ACYP2: variants seen among roughly 807,000 people sequenced by gnomAD.
ACYP2 encodes the protein acylphosphatase-2.
ACYP2 carries 12 observed loss-of-function variants against 11.2 expected under a neutral mutation model. That is an observed-to-expected ratio of 1.08 (90% CI 0.69 to 1.74). The LOEUF (loss-of-function observed/expected upper bound fraction) is 1.74, where lower values mean the gene tolerates loss of function less well. Ranked by LOEUF, ACYP2 falls within the 40% of genes most tolerant of loss-of-function variation. The pLI, the probability that ACYP2 is intolerant of heterozygous loss-of-function variation, is 0.00. For synonymous variants in ACYP2, 43 were observed against 32.2 expected (o/e 1.33, Z -1.13); for missense variants, 134 against 101.9 (o/e 1.31, Z -1.35).
chr2:54,110,038 T>C lies in ACYP2; in HGVS notation c.278-25415T>C, dbSNP rs545913664. 8.5e-5 allele frequency among the ~76,000 whole-genome samples: 13 copies of C among 152,320 alleles called. No homozygotes were observed. The South Asian group carries it at 2.5e-3, about 29-fold the overall frequency. On this transcript the variant is annotated intron_variant, in intron 4 of 6. Transcript: ENST00000607452. ...AGATGCTTCTCAGGCTTTCTCTGTT[T>C]CTGATGACCTTGACAGTTTTGAGGA...
chr2:54,095,489 ACGGGGCGGCTGGCTGGGCGGGGGG>A lies in ACYP2; in HGVS notation c.277+38131_277+38154del, dbSNP rs1170126117. 4.6e-4 allele frequency among the ~76,000 whole-genome samples: 69 copies of A among 149,638 alleles called. No individual in the cohort carries two copies. In the Middle Eastern group the frequency reaches 0.024, roughly 53 times the overall value. On this transcript the variant is annotated intron_variant, in intron 4 of 6. Transcript: ENST00000607452. ...GGCAGAGGCGCCCCTCACCTCCCGG[ACGGGGCGGCTGGCTGGGCGGGGGG>A]CTGACCCCCCCACCTCCCTCCCGGA...
At chr2:54,006,478 T>A (rs1433822452) in intron 2 of ACYP2, among the ~76,000 whole-genome samples, 1 of 152,032 alleles carries the variant, frequency 6.6e-6, no homozygotes, top group Non-Finnish European at 1.5e-5. Context: ...AGAGATGGTG[T>A]CTTGCTGTGC....
chr2:54,171,774 G>A (rs537304038), intron 6 of ACYP2, among the ~76,000 whole-genome samples: 17 of 151,708 alleles, frequency 1.1e-4, no homozygotes, highest in South Asian at 8.3e-4. Flanking sequence ...TCTATTTTTC[G>A]GTGTCTTAGG....
At chr2:54,046,234 G>T (rs190176567) in intron 2 of ACYP2, among the ~76,000 whole-genome samples, 10 of 151,288 alleles carry the variant, frequency 6.6e-5, no homozygotes, top group Admixed American at 2.0e-4. Flanking sequence ...CCAGCAATTT[G>T]GGGGGAGGCT....
chr2:54,174,896 A>G (rs146809150), intron 6 of ACYP2, among the ~76,000 whole-genome samples: 51 of 152,264 alleles, frequency 3.3e-4, no homozygotes, highest in African/African-American at 1.2e-3. Flanking sequence ...ATCGTGGTGG[A>G]TAAGATTTTT....
intron 4 of ACYP2, among the ~76,000 whole-genome samples, chr2:54,096,668 C>CA (rs1678603508): frequency 6.6e-6 from 1 of 152,070 alleles, no homozygotes; most frequent in Non-Finnish European, 1.5e-5. Flanking sequence ...CCGTCTCCAC[C>CA]AAAAAAATAC....
At chr2:54,227,313 T>G (rs1686050306) in intron 6 of ACYP2, among the ~76,000 whole-genome samples, 1 of 152,206 alleles carries the variant, frequency 6.6e-6, no homozygotes, top group African/African-American at 2.4e-5. Context: ...TAACTTATTT[T>G]CTTTGTCCCT....
At chr2:54,302,500 TAC>T (rs1263340012) in intron 6 of ACYP2, among the ~76,000 whole-genome samples, 2 of 152,160 alleles carry the variant, frequency 1.3e-5, no homozygotes, top group Admixed American at 6.5e-5. Context: ...ACCCCCAAAG[TAC>T]AGTCATTGGA....
At chr2:54,047,450 A>G (rs985719137) in intron 2 of ACYP2, among the ~76,000 whole-genome samples, 3 of 152,238 alleles carry the variant, frequency 2.0e-5, no homozygotes, top group Admixed American at 2.0e-4. Context: ...GAGTCATTTT[A>G]TTTGCCATAC....
At chr2:54,304,653 A>G (rs1320201945) in intron 6 of ACYP2, 35 bp from the exon 4 acceptor site, 13 of 1,482,908 alleles carry the variant, frequency 8.8e-6, no homozygotes, top group African/African-American at 1.4e-5. Context: ...TATACTTTGT[A>G]TGCTAATTTT....
intron 4 of ACYP2, among the ~76,000 whole-genome samples, chr2:54,123,664 C>T (rs1383636078): frequency 6.6e-6 from 1 of 152,072 alleles, no homozygotes; most frequent in Non-Finnish European, 1.5e-5. Context: ...GTTAAAGTGC[C>T]TCAGGGAAGT....
intron 3 of ACYP2, chr2:54,051,660 A>G: frequency 1.4e-6 from 1 of 720,310 alleles, no homozygotes; most frequent in Non-Finnish European, 2.6e-6. Flanking sequence ...AAGTTGAAGG[A>G]AAAATATGAA....
intron 2 of ACYP2, among the ~76,000 whole-genome samples, chr2:54,033,241 A>G (rs897025603): frequency 2.7e-5 from 4 of 149,014 alleles, no homozygotes; most frequent in African/African-American, 9.9e-5. Flanking sequence ...GTTGTTGTCC[A>G]GGCTGGAGCA....
At chr2:54,095,300 G>C (rs1229575099) in intron 4 of ACYP2, among the ~76,000 whole-genome samples, 2 of 152,158 alleles carry the variant, frequency 1.3e-5, no homozygotes, top group South Asian at 2.1e-4. Context: ...ACACAGACAC[G>C]GCAACCATCC....
chr2:54,123,321 G>C, intron 4 of ACYP2: 1 of 398,596 alleles, frequency 2.5e-6, no homozygotes, highest in Admixed American at 4.4e-5. Flanking sequence ...CTTCACTGCA[G>C]TTGTTTTGGT....
chr2:54,039,193 C>A (rs1326951470), intron 2 of ACYP2, among the ~76,000 whole-genome samples: 1 of 146,748 alleles, frequency 6.8e-6, no homozygotes, highest in Non-Finnish European at 1.5e-5. Context: ...TCAAGTTGAA[C>A]TTTTACTAAA....
At chr2:54,132,078 G>A (rs763897363) in intron 4 of ACYP2, among the ~76,000 whole-genome samples, 1 of 152,160 alleles carries the variant, frequency 6.6e-6, no homozygotes, top group Non-Finnish European at 1.5e-5. Context: ...AACTCAGAGG[G>A]GAATATACAC....
intron 2 of ACYP2, among the ~76,000 whole-genome samples, chr2:53,992,317 A>G (rs937611292): frequency 1.3e-5 from 2 of 152,116 alleles, no homozygotes; most frequent in South Asian, 4.1e-4. Context: ...TCTAAGTGCA[A>G]TGGAAACCTA....
At chr2:54,179,343 C>T (rs1052683240) in intron 6 of ACYP2, among the ~76,000 whole-genome samples, 1 of 152,144 alleles carries the variant, frequency 6.6e-6, no homozygotes, top group Non-Finnish European at 1.5e-5. Context: ...AGTTCTGACA[C>T]TATCTACTTG....
Sources: gnomAD v4.1 joint callset for allele counts (sites outside exome capture counted in the v4.1 genomes callset) on GRCh38, gnomAD v4.1.1 for gene constraint, MANE v1.5 for transcripts, NCBI Gene and HGNC (gene_info 2026-07-23, HGNC 2026-07-21) for gene names.